The following KAZN variants were observed in gnomAD, a reference collection of about 807,000 sequenced individuals.
KAZN encodes the protein kazrin, periplakin interacting protein.
A neutral mutation model predicts 87.4 loss-of-function variants in KAZN; 40 were observed. The observed-to-expected ratio is 0.46, with a 90% CI of 0.36 to 0.60. The LOEUF (loss-of-function observed/expected upper bound fraction) is 0.60, where lower values mean the gene tolerates loss of function less well. KAZN is among the 20% of genes least tolerant of loss of function. The pLI is 0.00. For missense variants in KAZN, 898 were observed against 1,073.9 expected, an observed-to-expected ratio of 0.84 and a Z score of 2.29; for synonymous variants, 466 against 458.3, an observed-to-expected ratio of 1.02 and a Z score of -0.22.
chr1:14,764,513 C>T (rs542648221), intron 1 of KAZN, among the ~76,000 whole-genome samples: 312 of 151,808 alleles, frequency 2.1e-3, no homozygotes, highest in Non-Finnish European at 1.9e-3. Flanking sequence ...CCCCATAGAA[C>T]GTAAGCTTTT....
chr1:15,070,586 C>T (rs553978631), intron 8 of KAZN, among the ~76,000 whole-genome samples: 1 of 152,204 alleles, frequency 6.6e-6, no homozygotes, highest in Non-Finnish European at 1.5e-5. Context: ...GTATCGTGCC[C>T]GTCACTCAAC....
chr1:14,705,477 C>T (rs547135958), intron 1 of KAZN, among the ~76,000 whole-genome samples: 314 of 152,288 alleles, frequency 2.1e-3, no homozygotes, highest in Admixed American at 3.3e-3. Flanking sequence ...GACACCTGCA[C>T]CCCCATGTTT....
intron 2 of KAZN, among the ~76,000 whole-genome samples, chr1:14,984,564 G>C (rs376190678): frequency 6.6e-6 from 1 of 152,122 alleles, no homozygotes; most frequent in Non-Finnish European, 1.5e-5. Context: ...ACCATAGAAA[G>C]AAGAGCAAGA....
At chr1:15,067,440 A>G in intron 8 of KAZN, 1 of 985,476 alleles carries the variant, frequency 1.0e-6, no homozygotes, top group South Asian at 4.7e-5. Flanking sequence ...GGGACGGAGG[A>G]TGTGTGAGCT....
At chr1:14,720,599 T>G (rs951334765) in intron 1 of KAZN, among the ~76,000 whole-genome samples, 4 of 152,358 alleles carry the variant, frequency 2.6e-5, no homozygotes, top group African/African-American at 9.6e-5. Context: ...ATATTTTTCT[T>G]TGCTTAACTT....
intron 1 of KAZN, among the ~76,000 whole-genome samples, chr1:14,061,505 G>C (rs1488247899): frequency 6.6e-6 from 1 of 152,182 alleles, no homozygotes; most frequent in Non-Finnish European, 1.5e-5. Context: ...GAACGTTCTA[G>C]AACAATATGT....
At chr1:14,643,391 A>G (rs776370702) in intron 1 of KAZN, among the ~76,000 whole-genome samples, 3 of 152,156 alleles carry the variant, frequency 2.0e-5, no homozygotes, top group Non-Finnish European at 4.4e-5. Context: ...CTTATCATTT[A>G]GCCCTGACTT....
intron 1 of KAZN, among the ~76,000 whole-genome samples, chr1:14,055,148 C>T (rs976450720): frequency 6.6e-6 from 1 of 152,132 alleles, no homozygotes; most frequent in African/African-American, 2.4e-5. Context: ...GACTGTGTAA[C>T]CCAGAGTAAG....
chr1:14,634,559 T>C (rs560871871), intron 1 of KAZN, among the ~76,000 whole-genome samples: 5 of 152,360 alleles, frequency 3.3e-5, no homozygotes, highest in Admixed American at 2.6e-4. Flanking sequence ...AGCTCAGCTC[T>C]TGTCAGCTGT....
intron 2 of KAZN, among the ~76,000 whole-genome samples, chr1:15,008,170 G>A (rs1446068302): frequency 6.6e-6 from 1 of 152,206 alleles, no homozygotes; most frequent in Non-Finnish European, 1.5e-5. Context: ...ATCTCCATGA[G>A]CCCAGCGCTT....
At chr1:14,344,597 T>C (rs949816416) in intron 2 of KAZN, among the ~76,000 whole-genome samples, 2 of 152,072 alleles carry the variant, frequency 1.3e-5, no homozygotes, top group African/African-American at 4.8e-5. Flanking sequence ...AGGATTAAAA[T>C]ATATAGCATG....
chr1:14,905,752 G>A (rs901746355), intron 1 of KAZN, among the ~76,000 whole-genome samples: 6 of 151,756 alleles, frequency 4.0e-5, no homozygotes, highest in Admixed American at 1.3e-4. Context: ...GCTGAGGCAG[G>A]AGAATGGCGT....
intron 2 of KAZN, among the ~76,000 whole-genome samples, chr1:14,199,514 A>G (rs1030807087): frequency 3.9e-5 from 6 of 152,202 alleles, no homozygotes; most frequent in Non-Finnish European, 8.8e-5. Context: ...TCACAGGCTC[A>G]AGGACTTGTG....
chr1:14,625,573 G>T (rs1380963569), intron 1 of KAZN, among the ~76,000 whole-genome samples: 1 of 152,160 alleles, frequency 6.6e-6, no homozygotes, highest in Admixed American at 6.5e-5. Context: ...ATCAATTTCT[G>T]TTTAAGGGGG....
At chr1:14,417,633 C>G (rs1436567017) in intron 2 of KAZN, among the ~76,000 whole-genome samples, 1 of 151,944 alleles carries the variant, frequency 6.6e-6, no homozygotes, top group Non-Finnish European at 1.5e-5. Context: ...TACAAGGAGA[C>G]CCTAGGAAAG....
intron 2 of KAZN, among the ~76,000 whole-genome samples, chr1:14,498,054 A>G (rs1388824529): frequency 6.6e-6 from 1 of 152,074 alleles, no homozygotes; most frequent in African/African-American, 2.4e-5. Flanking sequence ...CCTCATTCGT[A>G]TTCAATGTCT....
At position 14,262,535 on chromosome 1, in the gene KAZN, T is replaced by G. The variant is rs903869306; in HGVS notation, c.249+81943T>G. On this transcript the variant is annotated intron_variant, in intron 2 of 16. Coordinates refer to the KAZN transcript ENST00000636203. Reference sequence around the variant, plus strand: ...ACTAAATTCTACGCTAGAGCCTTGTTTTAGCTCTCACATTCCACACTGTGG... The same window carrying G: ...ACTAAATTCTACGCTAGAGCCTTGTGTTAGCTCTCACATTCCACACTGTGG... Among the ~76,000 whole-genome samples the G allele has an allele frequency of 4.6e-5, 7 of 152,248 alleles. No homozygotes were observed. The East Asian group carries it at 5.8e-4, about 13-fold the overall frequency.
Position 14,810,323 on chromosome 1 carries a change from A to G in KAZN, c.227-150361A>G, listed in dbSNP as rs115089755. Among the ~76,000 whole-genome samples the G allele has an allele frequency of 3.3e-3, 499 of 151,992 alleles. 3 individuals are homozygous for G. Among genetic ancestry groups the G allele is most frequent in the African/African-American group, 0.011 (462 of 41,420 alleles). ...CCGTACCTTGCTTGCTTTTCTTCAG[A>G]ACTCTTATCATCCACTGGATTTCTC... On this transcript the variant is annotated intron_variant, in intron 1 of 14. Transcript: ENST00000376030.
chr1:14,190,050 C>T (rs1646391805), intron 2 of KAZN, among the ~76,000 whole-genome samples: 1 of 152,066 alleles, frequency 6.6e-6, no homozygotes, highest in Non-Finnish European at 1.5e-5. Context: ...CCTCTACATC[C>T]AACTTGGGCA....
Sources: allele counts gnomAD v4.1 joint callset (sites outside exome capture counted in the v4.1 genomes callset), GRCh38; gene constraint gnomAD v4.1.1; transcripts MANE v1.5; gene names NCBI Gene and HGNC (gene_info 2026-07-23, HGNC 2026-07-21).